Variants in INPP5B observed in about 807,000 individuals in gnomAD.
INPP5B encodes inositol polyphosphate-5-phosphatase B.
A neutral mutation model predicts 118.5 loss-of-function variants in INPP5B; 90 were observed. The observed-to-expected ratio is 0.76, with a 90% CI of 0.64 to 0.90. INPP5B has a LOEUF of 0.90. Ranked by LOEUF, INPP5B falls within the 40% of genes least tolerant of loss-of-function variation. The probability of loss-of-function intolerance (pLI) is 0.00; values close to 1 mark genes in which losing one functional copy is unlikely to be tolerated. For synonymous variants in INPP5B, 385 were observed against 418.9 expected, an observed-to-expected ratio of 0.92 and a Z score of 0.99; for missense variants, 984 against 1,125.6, an observed-to-expected ratio of 0.87 and a Z score of 1.80.
chr1:37,885,378 T>TA (rs1224960581), intron 13 of INPP5B: 3 of 313,068 alleles, frequency 9.6e-6, no homozygotes, highest in Admixed American at 4.3e-5. Flanking sequence ...CACGCCACTG[T>TA]ACTCCAGCCT....
At chr1:37,912,491 G>A (rs775766748) in intron 7 of INPP5B, among the ~76,000 whole-genome samples, 19 of 152,010 alleles carry the variant, frequency 1.2e-4, no homozygotes, top group African/African-American at 2.9e-4. Context: ...AGGGCTTTAC[G>A]CAGTCACCCC....
intron 7 of INPP5B, among the ~76,000 whole-genome samples, chr1:37,905,384 A>G (rs1005786517): frequency 1.3e-5 from 2 of 152,238 alleles, no homozygotes; most frequent in African/African-American, 2.4e-5. Context: ...AGGCTGGGTG[A>G]CAAAGCAAGA....
At position 37,885,653 on chromosome 1, in the gene INPP5B, G is replaced by C; in HGVS notation, c.1304C>G (p.Thr435Ser). ...CCAGACTCACTCATGGTTGCTGATGGTGAGAGGGGGAAGGCTTGGGTCAGG... is the reference window on the plus strand; with the variant it reads ...CCAGACTCACTCATGGTTGCTGATGCTGAGAGGGGGAAGGCTTGGGTCAGG... ...CQPDPSLPPL[T>S]ISNHDVILWL... is the part of the protein sequence containing the mutation. Residue 435 changes from threonine (T) to serine (S), a missense_variant, in exon 13 of 24, where the codon ACC becomes AGC. Physicochemically the swap from Thr to Ser is moderately conservative, Grantham distance 58. Coordinates refer to ENST00000373024, the MANE Select transcript of INPP5B (RefSeq NM_005540.3). 1 of 1,613,802 alleles carries C rather than the reference G, an allele frequency of 6.2e-7. No homozygotes were observed. The highest frequency in any genetic ancestry group is 8.5e-7 in the Non-Finnish European group (1 of 1,179,986).
intron 7 of INPP5B, among the ~76,000 whole-genome samples, chr1:37,896,889 C>T (rs1174273177): frequency 7.0e-5 from 9 of 128,666 alleles, no homozygotes; most frequent in South Asian, 2.6e-4. Context: ...CCAGCCGCCC[C>T]ATCCGGGAAG....
At chr1:37,939,451 G>GTTT (rs372636025) in intron 6 of INPP5B, among the ~76,000 whole-genome samples, 3 of 142,176 alleles carry the variant, frequency 2.1e-5, no homozygotes, top group East Asian at 2.1e-4. Context: ...TTTTGTTTTT[G>GTTT]TTTTTTTTTT....
At chr1:37,862,664 G>A (rs1641769834) in intron 23 of INPP5B, among the ~76,000 whole-genome samples, 1 of 152,142 alleles carries the variant, frequency 6.6e-6, no homozygotes, top group Non-Finnish European at 1.5e-5. Context: ...AATACTACAG[G>A]CAATTGTAAC....
chr1:37,908,360 C>G (rs1359772201), intron 7 of INPP5B, among the ~76,000 whole-genome samples: 1 of 152,152 alleles, frequency 6.6e-6, no homozygotes, highest in Non-Finnish European at 1.5e-5. Flanking sequence ...TCATGCCTCT[C>G]TTGCTACCCT....
chr1:37,864,708 A>G, intron 22 of INPP5B: 1 of 233,920 alleles, frequency 4.3e-6, no homozygotes, highest in Non-Finnish European at 8.3e-6. Context: ...AGAGGTTAAT[A>G]ACTGGGGTGA....
intron 5 of INPP5B, chr1:37,941,937 C>CAAAA (rs1212694634): frequency 5.4e-4 from 7 of 12,896 alleles, no homozygotes; most frequent in Non-Finnish European, 9.0e-4. Context: ...GACTCCGTCT[C>CAAAA]AAAAAAAAAA....
In INPP5B at chr1:37,878,313, G is replaced by T; in HGVS notation, c.1552C>A (p.Arg518Ser). The T allele has an allele frequency of 6.2e-7, 1 of 1,613,912 alleles. No homozygotes were observed. The highest frequency in any genetic ancestry group is 1.1e-5 in the South Asian group (1 of 91,052). ...SDDWDTSEKC[R>S]APAWCDRILW... ...ATCCGATCACACCAGGCAGGAGCAC[G>T]GCACTTCTCACTGAAATGCAAAGTC... is the stretch of plus-strand genomic sequence containing the variant. Residue 518 changes from arginine to serine, a missense_variant, in exon 16 of 24, where the codon CGT (arginine) becomes AGT (serine). Around this residue, in one of 2 missense-constraint regions of INPP5B, gnomAD observed 634 missense variants for 791.0 expected, o/e 0.80. Coordinates refer to ENST00000373024, the MANE Select transcript of INPP5B (RefSeq NM_005540.3).
At chr1:37,943,722 C>G in intron 4 of INPP5B, 53 bp from the exon 5 acceptor site, 1 of 1,610,730 alleles carries the variant, frequency 6.2e-7, no homozygotes, top group South Asian at 1.1e-5. Flanking sequence ...CTCCCCCTTG[C>G]CCCCCCATCA....
Position 37,932,069 on chromosome 1 carries a change from TGGGGG to T in INPP5B, c.392-21_392-17del, listed in dbSNP as rs1316748918. ...GAATCGAAGCCTGTGCAGGAACAAA[TGGGGG>T]CAGACTGAGCCACGAGCTTGAAGAG... On this transcript the variant is annotated splice_polypyrimidine_tract_variant and intron_variant, in intron 6 of 23. Transcript: ENST00000373024. 1 of 1,569,716 alleles carries T rather than the reference TGGGGG, an allele frequency of 6.4e-7. No individual in the cohort carries two copies. The highest frequency in any genetic ancestry group is 1.8e-5 in the Admixed American group (1 of 55,692).
chr1:37,866,498 T>A lies in INPP5B; in HGVS notation c.2347A>T (p.Ile783Phe). The change falls in exon 21 of 24, where the codon ATC (isoleucine) becomes TTC (phenylalanine). Residue 783 changes from isoleucine to phenylalanine, a missense_variant. Physicochemically the swap from Ile to Phe is conservative, Grantham distance 21. Around this residue, in one of 2 missense-constraint regions of INPP5B, gnomAD observed 634 missense variants for 791.0 expected, o/e 0.80. Transcript: ENST00000373024. Reference sequence around the variant, plus strand: ...ATTCCAGTATCCAAGCAGTCCCTGATATGTTCAAATTCTGACCTCAGGCCT... The same window carrying A: ...ATTCCAGTATCCAAGCAGTCCCTGAAATGTTCAAATTCTGACCTCAGGCCT... ...QPGLRSEFEH[I>F]RDCLDTGMID... 6.2e-7 allele frequency: 1 copy of A among 1,610,706 alleles called. No individual in the cohort carries two copies. Among genetic ancestry groups the A allele is most frequent in the Non-Finnish European group, 8.5e-7 (1 of 1,177,094 alleles).
At chr1:37,940,881 A>AC in intron 5 of INPP5B, 83 bp from the exon 6 acceptor site, 1 of 925,866 alleles carries the variant, frequency 1.1e-6, no homozygotes, top group Non-Finnish European at 1.7e-6. Context: ...ATGGAGAATC[A>AC]GCAACCCAGA....
At chr1:37,937,788 TAAAATAAAAATA>T (rs1022249198) in intron 6 of INPP5B, among the ~76,000 whole-genome samples, 2 of 150,094 alleles carry the variant, frequency 1.3e-5, no homozygotes, top group African/African-American at 2.4e-5. Context: ...TAAAATAAAA[TAAAATAAAAATA>T]AAAATAAAAA....
intron 7 of INPP5B, among the ~76,000 whole-genome samples, chr1:37,917,242 T>C (rs1420101091): frequency 7.5e-6 from 1 of 134,086 alleles, no homozygotes; most frequent in Non-Finnish European, 1.6e-5. Context: ...TGAGCCGAGA[T>C]TGTGCCACTG....
intron 6 of INPP5B, among the ~76,000 whole-genome samples, chr1:37,936,295 A>G (rs950643286): frequency 6.6e-6 from 1 of 151,884 alleles, no homozygotes; most frequent in Non-Finnish European, 1.5e-5. Flanking sequence ...GCCTGGGGAA[A>G]AACTCTTCTT....
At chr1:37,940,825 C>T in intron 5 of INPP5B, 27 bp from the exon 6 acceptor site, 2 of 1,529,058 alleles carry the variant, frequency 1.3e-6, no homozygotes, top group South Asian at 1.1e-5. Flanking sequence ...GGAAATGAAC[C>T]CTTGGCTGCC....
chr1:37,918,298 C>T (rs1244055627), intron 7 of INPP5B, among the ~76,000 whole-genome samples: 1 of 152,176 alleles, frequency 6.6e-6, no homozygotes, highest in Non-Finnish European at 1.5e-5. Context: ...CAGGTTAAGA[C>T]CCAAACTGGT....
Sources: gnomAD v4.1 joint callset for allele counts (sites outside exome capture counted in the v4.1 genomes callset) on GRCh38, gnomAD v4.1.1 for gene constraint, gnomAD v4.1.1 regional missense constraint, MANE v1.5 for transcripts, NCBI Gene and HGNC (gene_info 2026-07-23, HGNC 2026-07-21) for gene names.